The following ZBTB8A variants were observed in gnomAD, a reference collection of about 807,000 sequenced individuals.
The protein encoded by ZBTB8A is zinc finger and BTB domain-containing protein 8A.
In ZBTB8A, 19 loss-of-function variants were observed where a neutral mutation model predicts 37.8. The ratio of observed to expected loss-of-function variants is 0.50; its 90% CI spans 0.35 to 0.74. ZBTB8A has a LOEUF of 0.74. Among genes scored for constraint, ZBTB8A ranks in the 30% least tolerant of loss-of-function variants. The probability of loss-of-function intolerance (pLI) is 0.01; values close to 1 mark genes in which losing one functional copy is unlikely to be tolerated. For synonymous variants in ZBTB8A, 181 were observed against 185.2 expected, an observed-to-expected ratio of 0.98 and a Z score of 0.19; for missense variants, 394 against 537.8, an observed-to-expected ratio of 0.73 and a Z score of 2.65.
At chr1:32,548,233 C>A (rs1644122546) in intron 1 of ZBTB8A, among the ~76,000 whole-genome samples, 1 of 151,212 alleles carries the variant, frequency 6.6e-6, no homozygotes. Context: ...CCCAGGTACA[C>A]ATGTAGTTTT....
At chr1:32,564,624 C>G (rs952103061) in intron 2 of ZBTB8A, among the ~76,000 whole-genome samples, 1 of 151,834 alleles carries the variant, frequency 6.6e-6, no homozygotes, top group African/African-American at 2.4e-5. Flanking sequence ...ACCAAAATAC[C>G]AAATAATTAA....
At chr1:32,545,049 C>T (rs551156572) in intron 1 of ZBTB8A, among the ~76,000 whole-genome samples, 1 of 152,140 alleles carries the variant, frequency 6.6e-6, no homozygotes, top group Non-Finnish European at 1.5e-5. Context: ...TATGATAACT[C>T]CATGTTTAAT....
chr1:32,581,727 T>C (rs1557712993), intron 2 of ZBTB8A, among the ~76,000 whole-genome samples: 1 of 152,082 alleles, frequency 6.6e-6, no homozygotes, highest in Non-Finnish European at 1.5e-5. Context: ...ACTGGGTAAT[T>C]CATAAAAGAA....
intron 2 of ZBTB8A, among the ~76,000 whole-genome samples, chr1:32,578,287 G>A (rs1644378724): frequency 6.7e-6 from 1 of 149,516 alleles, no homozygotes; most frequent in Admixed American, 6.7e-5. Context: ...ATGTTGGGCA[G>A]GCTGGTCTCA....
intron 2 of ZBTB8A, among the ~76,000 whole-genome samples, chr1:32,564,941 A>G (rs1260107366): frequency 1.3e-5 from 2 of 152,222 alleles, no homozygotes; most frequent in Admixed American, 6.5e-5. Context: ...CTACAATGGT[A>G]GCATAGGAAG....
At chr1:32,583,265 A>G (rs1044616767) in intron 2 of ZBTB8A, among the ~76,000 whole-genome samples, 1 of 151,740 alleles carries the variant, frequency 6.6e-6, no homozygotes, top group Non-Finnish European at 1.5e-5. Context: ...CTGTAGTCCT[A>G]GCTACTCTAG....
intron 1 of ZBTB8A, among the ~76,000 whole-genome samples, chr1:32,551,164 G>A (rs1417909563): frequency 6.6e-6 from 1 of 152,106 alleles, no homozygotes; most frequent in Non-Finnish European, 1.5e-5. Flanking sequence ...ATTAATTTTG[G>A]GCCAGGCACA....
chr1:32,544,812 G>T (rs939515606), intron 1 of ZBTB8A, among the ~76,000 whole-genome samples: 1 of 152,158 alleles, frequency 6.6e-6, no homozygotes, highest in Non-Finnish European at 1.5e-5. Context: ...ATGTTATGCG[G>T]CGCGTGACCA....
At chr1:32,562,569 C>CTTTTTT (rs751648634) in intron 2 of ZBTB8A, among the ~76,000 whole-genome samples, 6 of 111,840 alleles carry the variant, frequency 5.4e-5, no homozygotes, top group Admixed American at 9.7e-5. Context: ...CCGCGTCCGG[C>CTTTTTT]TTTTTTTTTT....
intron 1 of ZBTB8A, among the ~76,000 whole-genome samples, chr1:32,549,772 C>T (rs1644137222): frequency 6.6e-6 from 1 of 152,170 alleles, no homozygotes; most frequent in Admixed American, 6.6e-5. Flanking sequence ...CCTGCTACCC[C>T]TGAACTTCCC....
intron 2 of ZBTB8A, among the ~76,000 whole-genome samples, chr1:32,573,639 G>T (rs1644339364): frequency 6.8e-6 from 1 of 146,708 alleles, no homozygotes; most frequent in Non-Finnish European, 1.5e-5. Flanking sequence ...TCACTATGTT[G>T]CCCAGGCTGG....
At position 32,579,296 on chromosome 1, in the gene ZBTB8A, A is replaced by G. The variant is rs867466617; in HGVS notation, c.-1-13635A>G. Among the ~76,000 whole-genome samples the G allele has an allele frequency of 8.6e-5, 13 of 152,006 alleles. 1 individual carries two copies. Among genetic ancestry groups the G allele is most frequent in the Non-Finnish European group, 1.0e-4 (7 of 67,994 alleles). On this transcript the variant is annotated intron_variant, in intron 2 of 4. Coordinates refer to ENST00000373510, the MANE Select transcript of ZBTB8A (RefSeq NM_001040441.3). ...AAACCCCGTCTCTACTAAAAAATAC[A>G]AAAATTAGCCGGGGCATGGTGGCAG...
chr1:32,592,270 C>T (rs868005225), intron 2 of ZBTB8A, among the ~76,000 whole-genome samples: 1 of 151,956 alleles, frequency 6.6e-6, no homozygotes, highest in Non-Finnish European at 1.5e-5. Context: ...AGTTGACTCA[C>T]CTTAGAAAAG....
Position 32,564,834 on chromosome 1 carries a change from T to A in ZBTB8A, c.-2+11294T>A, listed in dbSNP as rs75111521. On this transcript the variant is annotated intron_variant, in intron 2 of 4. Coordinates refer to ENST00000373510, the MANE Select transcript of ZBTB8A (RefSeq NM_001040441.3). ...GTATATCATTTAACTGCAGCAAAAT[T>A]GTTTAAAAGTGTTGAAGTTGGAACA... Among the ~76,000 whole-genome samples the A allele has an allele frequency of 5.1e-3, 773 of 152,218 alleles. 11 individuals carry two copies. Among genetic ancestry groups the A allele is most frequent in the East Asian group, 0.043 (225 of 5,180 alleles).
chr1:32,573,813 G>T (rs1042620164), intron 2 of ZBTB8A, among the ~76,000 whole-genome samples: 5 of 139,566 alleles, frequency 3.6e-5, no homozygotes, highest in Non-Finnish European at 7.6e-5. Context: ...AGTGGCTCAT[G>T]CCTGTAATCC....
rs116377927 is a variant in ZBTB8A, at chr1:32,592,261, G to A, written c.-1-670G>A. On this transcript the variant is annotated intron_variant, in intron 2 of 4. Transcript: ENST00000373510. Reference sequence around the variant, plus strand: ...AAAGAGGCTTCTGATTATTATTTTAGTTGACTCACCTTAGAAAAGGATTGT... The same window carrying A: ...AAAGAGGCTTCTGATTATTATTTTAATTGACTCACCTTAGAAAAGGATTGT... Among the ~76,000 whole-genome samples, 1,370 of 152,166 alleles carry A rather than the reference G, an allele frequency of 9.0e-3. 22 individuals are homozygous for A. Among genetic ancestry groups the A allele is most frequent in the African/African-American group, 0.031 (1,303 of 41,526 alleles).
intron 2 of ZBTB8A, among the ~76,000 whole-genome samples, chr1:32,592,562 A>G (rs138578789): frequency 0.012 from 1,764 of 149,900 alleles, 24 homozygotes; most frequent in Non-Finnish European, 0.016. Flanking sequence ...GCTGGAGTGC[A>G]GTGGTGTGAT....
intron 2 of ZBTB8A, among the ~76,000 whole-genome samples, chr1:32,581,474 C>T (rs1039933911): frequency 6.7e-6 from 1 of 150,324 alleles, no homozygotes; most frequent in Non-Finnish European, 1.5e-5. Context: ...GCCTCAGCCT[C>T]CCAAGTAGCT....
At position 32,594,597 on chromosome 1, in the gene ZBTB8A, C is replaced by T. The variant is rs145352882; in HGVS notation, c.824-457C>T. Among the ~76,000 whole-genome samples the T allele has an allele frequency of 5.8e-3, 879 of 152,014 alleles. 18 individuals are homozygous for T. The highest frequency in any genetic ancestry group is 0.053 in the East Asian group (272 of 5,140). ...CCAACATGGTGAAACCATGTCTCTA[C>T]GAAAAATACAAAAATTAGCTGGGAG... On this transcript the variant is annotated intron_variant, in intron 3 of 4. Transcript: ENST00000373510.
Sources: allele counts gnomAD v4.1 joint callset (sites outside exome capture counted in the v4.1 genomes callset), GRCh38; gene constraint gnomAD v4.1.1; transcripts MANE v1.5; gene names NCBI Gene and HGNC (gene_info 2026-07-23, HGNC 2026-07-21).